Variants in PKHD1 observed in about 807,000 individuals in gnomAD.
PKHD1 encodes the protein PKHD1 ciliary IPT domain containing fibrocystin/polyductin.
In PKHD1, 291 loss-of-function variants were observed where a neutral mutation model predicts 412.0. That is an observed-to-expected ratio of 0.71 (90% confidence interval 0.64 to 0.78). The LOEUF is 0.78. Ranked by LOEUF, PKHD1 falls within the 30% of genes least tolerant of loss-of-function variation. The probability of loss-of-function intolerance (pLI) is 0.00; values close to 1 mark genes in which losing one functional copy is unlikely to be tolerated. For missense variants in PKHD1, 4,825 were observed against 4,950.7 expected (o/e 0.97, Z 0.76); for synonymous variants, 1,777 against 1,821.5 (o/e 0.98, Z 0.62).
intron 37 of PKHD1, among the ~76,000 whole-genome samples, chr6:51,929,677 G>A (rs1262991120): frequency 2.0e-5 from 3 of 152,154 alleles, no homozygotes; most frequent in Non-Finnish European, 2.9e-5. Flanking sequence ...GAATTTACAT[G>A]CAGACACTTG....
intron 54 of PKHD1, among the ~76,000 whole-genome samples, chr6:51,775,219 C>A (rs185442485): frequency 6.6e-6 from 1 of 151,742 alleles, no homozygotes; most frequent in East Asian, 1.9e-4. Context: ...CAAGAGTTAT[C>A]CCTCTTTACT....
intron 43 of PKHD1, among the ~76,000 whole-genome samples, chr6:51,895,571 A>T (rs912778020): frequency 1.3e-4 from 20 of 151,298 alleles, no homozygotes; most frequent in African/African-American, 4.9e-4. Flanking sequence ...TATTAAATAC[A>T]TTTTTTTTTG....
At chr6:51,629,823 A>G (rs575665890) in intron 65 of PKHD1, among the ~76,000 whole-genome samples, 1 of 152,254 alleles carries the variant, frequency 6.6e-6, no homozygotes, top group Non-Finnish European at 1.5e-5. Context: ...TATTTGGCAG[A>G]TTTTATTTTT....
intron 11 of PKHD1, among the ~76,000 whole-genome samples, chr6:52,068,397 T>C (rs542251528): frequency 1.3e-5 from 2 of 152,320 alleles, no homozygotes; most frequent in African/African-American, 4.8e-5. Context: ...AGCCTATCAG[T>C]CATTCTAGGG....
chr6:51,754,902 A>C lies in PKHD1; in HGVS notation c.8679T>G (p.His2893Gln). Reference protein sequence around the residue: ...IVEDAVDWRPHDKIVLSSSSY... With the variant: ...IVEDAVDWRPQDKIVLSSSSY... ...AAGAGGAGCTAAGGACTATTTTGTC[A>C]TGGGGGCGCCAATCCACTGCATCTT... The change falls in exon 56 of 67, where the codon CAT (histidine) becomes CAG (glutamine). Residue 2893 changes from histidine (H) to glutamine (Q), a missense_variant. Coordinates refer to ENST00000371117, the MANE Select transcript of PKHD1 (RefSeq NM_138694.4). 6.2e-7 allele frequency: 1 copy of C among 1,613,642 alleles called. No individual in the cohort carries two copies. Among genetic ancestry groups the C allele is most frequent in the South Asian group, 1.1e-5 (1 of 91,062 alleles).
chr6:51,661,671 A>C (rs200131042), intron 60 of PKHD1, among the ~76,000 whole-genome samples: 2 of 152,142 alleles, frequency 1.3e-5, no homozygotes, highest in Admixed American at 6.6e-5. Context: ...TACCATTCCT[A>C]ATACCTCCTA....
intron 1 of PKHD1, among the ~76,000 whole-genome samples, chr6:52,086,391 A>G (rs1360841744): frequency 1.3e-5 from 2 of 152,072 alleles, no homozygotes; most frequent in Non-Finnish European, 2.9e-5. Flanking sequence ...GATTACAGGC[A>G]TGAACCACCA....
intron 59 of PKHD1, among the ~76,000 whole-genome samples, chr6:51,745,376 A>G (rs1785060600): frequency 6.6e-6 from 1 of 152,160 alleles, no homozygotes; most frequent in Admixed American, 6.5e-5. Flanking sequence ...TTGAGGATGA[A>G]GAGAGTACTC....
In PKHD1 at chr6:51,748,646, A is replaced by T. The variant is rs1293255485; in HGVS notation, c.8970T>A (p.Asn2990Lys). The change falls in exon 58 of 67, where the codon AAT becomes AAA. Residue 2990 changes from asparagine (N) to lysine (K), a missense_variant. Physicochemically the swap from Asn to Lys is moderately conservative, Grantham distance 94. Transcript: ENST00000371117. ...EEFSGVLQLL[N>K]VEIQNFGSPL... is the part of the protein sequence containing the mutation. ...GTGACCCGAAGTTCTGAATTTCCAC[A>T]TTAAGAAGTTGAAGGACACCTATAA... The T allele has an allele frequency of 6.2e-7, 1 of 1,613,832 alleles. No homozygotes were observed. The highest frequency in any genetic ancestry group is 1.3e-5 in the African/African-American group (1 of 75,030).
Position 51,880,777 on chromosome 6 carries a change from A to AAT in PKHD1, c.7350+2315_7350+2316insAT, listed in dbSNP as rs71544104. Among the ~76,000 whole-genome samples the AAT allele has an allele frequency of 1.8e-4, 6 of 32,988 alleles. 1 individual carries two copies. The highest frequency in any genetic ancestry group is 2.4e-4 in the Non-Finnish European group (5 of 20,770). 21.6% of individuals were successfully genotyped at this position (32,988 alleles called of 152,430 possible). Reference sequence around the variant, plus strand: ...AACTTAGAGTATAATAAAAAAAAAAATTAAAAAAAAAAAAAAAAAAAAAAA... The same window carrying AAT: ...AACTTAGAGTATAATAAAAAAAAAAAATTTAAAAAAAAAAAAAAAAAAAAAAA... On this transcript the variant is annotated intron_variant, in intron 46 of 66. Transcript: ENST00000371117.
In PKHD1 at chr6:52,053,043, C is replaced by T. The variant is rs372691701; in HGVS notation, c.2140+33G>A. 14 of 1,605,316 alleles carry T rather than the reference C, an allele frequency of 8.7e-6. No individual in the cohort carries two copies. The South Asian group carries it at 8.8e-5, about 10-fold the overall frequency. ...GGAAAGTTTGAGGTAGGCATGTGAC[C>T]GGCTTGTGGAGGAGAGAGAATTTGA... On this transcript the variant is annotated intron_variant, in intron 21 of 66. Transcript: ENST00000371117.
chr6:51,811,216 G>T (rs1457222832), intron 52 of PKHD1, among the ~76,000 whole-genome samples: 1 of 152,146 alleles, frequency 6.6e-6, no homozygotes, highest in Non-Finnish European at 1.5e-5. Context: ...TAACCCGGAT[G>T]ATCTCAGCTA....
chr6:52,024,568 A>T lies in PKHD1; in HGVS notation c.5236+6T>A. 6.2e-7 allele frequency: 1 copy of T among 1,613,464 alleles called. No individual in the cohort carries two copies. The highest frequency in any genetic ancestry group is 8.5e-7 in the Non-Finnish European group (1 of 1,179,554). On this transcript the variant is annotated splice_donor_region_variant and intron_variant, in intron 32 of 66. Coordinates refer to ENST00000371117, the MANE Select transcript of PKHD1 (RefSeq NM_138694.4). Reference sequence around the variant, plus strand: ...GAAAGTGTGCTGTCTTATTTGCTTGACTTACCGAAGTTCTCCGTCACTGCT... The same window carrying T: ...GAAAGTGTGCTGTCTTATTTGCTTGTCTTACCGAAGTTCTCCGTCACTGCT...
intron 35 of PKHD1, among the ~76,000 whole-genome samples, chr6:52,007,401 A>C (rs968517367): frequency 3.3e-5 from 5 of 152,234 alleles, no homozygotes; most frequent in African/African-American, 7.2e-5. Context: ...GTCCTGATTA[A>C]GCACTTGTTG....
chr6:51,797,476 G>C (rs1450084481), intron 52 of PKHD1, among the ~76,000 whole-genome samples: 1 of 152,040 alleles, frequency 6.6e-6, no homozygotes, highest in African/African-American at 2.4e-5. Flanking sequence ...TATGAATCTG[G>C]GTGCTACAGT....
At chr6:51,664,449 G>A (rs1358392259) in intron 60 of PKHD1, among the ~76,000 whole-genome samples, 1 of 152,198 alleles carries the variant, frequency 6.6e-6, no homozygotes, top group African/African-American at 2.4e-5. Flanking sequence ...CCCAGGACCG[G>A]TCCATGAGGA....
intron 65 of PKHD1, among the ~76,000 whole-genome samples, 198 bp downstream of exon 65, chr6:51,632,367 T>C (rs1768032515): frequency 6.6e-6 from 1 of 152,198 alleles, no homozygotes; most frequent in Non-Finnish European, 1.5e-5. Context: ...TTTTTATTAT[T>C]ATTGCTATTA....
intron 33 of PKHD1, among the ~76,000 whole-genome samples, chr6:52,018,465 T>C (rs1800877309): frequency 6.6e-6 from 1 of 152,210 alleles, no homozygotes. Context: ...AAAATGGCAT[T>C]TCACTGTCGT....
chr6:51,750,922 G>A (rs1231728744), intron 57 of PKHD1, among the ~76,000 whole-genome samples: 1 of 151,966 alleles, frequency 6.6e-6, no homozygotes, highest in Admixed American at 6.6e-5. Context: ...GACTACAGGT[G>A]CATGCCACCA....
Sources: gnomAD v4.1 joint callset for allele counts (sites outside exome capture counted in the v4.1 genomes callset) on GRCh38, gnomAD v4.1.1 for gene constraint, MANE v1.5 for transcripts, NCBI Gene and HGNC (gene_info 2026-07-23, HGNC 2026-07-21) for gene names.